Variants in NFATC2 observed in about 807,000 individuals in gnomAD.
NFATC2 encodes nuclear factor of activated T cells 2, also known as nuclear factor of activated T-cells, cytoplasmic 2.
A neutral mutation model predicts 87.3 loss-of-function variants in NFATC2; 22 were observed. That is an observed-to-expected ratio of 0.25 (90% CI 0.18 to 0.36). The LOEUF is 0.36. Ranked by LOEUF, NFATC2 falls within the 10% of genes least tolerant of loss-of-function variation. The pLI is 1.00. For missense variants in NFATC2, 1,149 were observed against 1,259.1 expected (o/e 0.91, Z 1.32); for synonymous variants, 565 against 542.2 (o/e 1.04, Z -0.58).
At chr20:51,544,164 T>C (rs2076868616), upstream of NFATC2, among the ~76,000 whole-genome samples, 2 of 151,732 alleles carry the variant, frequency 1.3e-5, no homozygotes, top group Non-Finnish European at 2.9e-5. Flanking sequence ...CTTTTTTGTA[T>C]TTTTAGTAGA....
At chr20:51,539,793 C>T (rs1568746013) in intron 1 of NFATC2, among the ~76,000 whole-genome samples, 1 of 152,204 alleles carries the variant, frequency 6.6e-6, no homozygotes, top group Non-Finnish European at 1.5e-5. Context: ...GCCACCACTC[C>T]CGGCCACAGC....
chr20:51,556,215 C>T (rs1198613739), intron 1 of NFATC2, among the ~76,000 whole-genome samples: 2 of 152,076 alleles, frequency 1.3e-5, no homozygotes, highest in Non-Finnish European at 2.9e-5. Context: ...AGAGCATGGC[C>T]CTGTGACACC....
intron 6 of NFATC2, among the ~76,000 whole-genome samples, chr20:51,449,895 C>T (rs75876048): frequency 6.6e-6 from 1 of 151,424 alleles, no homozygotes; most frequent in African/African-American, 2.4e-5. Context: ...TATTAATGAA[C>T]TACTAATTAC....
At chr20:51,559,843 T>A (rs528004135) in intron 1 of NFATC2, among the ~76,000 whole-genome samples, 43 of 152,336 alleles carry the variant, frequency 2.8e-4, no homozygotes, top group Middle Eastern at 3.4e-3. Context: ...TTACTGCATG[T>A]TAAGCACAGA....
At chr20:51,440,272 A>T (rs555125406) in intron 6 of NFATC2, among the ~76,000 whole-genome samples, 3 of 150,374 alleles carry the variant, frequency 2.0e-5, no homozygotes, top group African/African-American at 7.4e-5. Flanking sequence ...TCAACAGAAG[A>T]TACCTGTTAC....
intron 3 of NFATC2, among the ~76,000 whole-genome samples, chr20:51,492,010 G>T (rs1283419002): frequency 3.3e-5 from 5 of 150,850 alleles, no homozygotes; most frequent in African/African-American, 9.8e-5. Flanking sequence ...CGCGCCCCCG[G>T]AGTGCCATGA....
chr20:51,501,132 T>C (rs568767141), intron 3 of NFATC2, among the ~76,000 whole-genome samples: 2 of 151,950 alleles, frequency 1.3e-5, no homozygotes, highest in Non-Finnish European at 2.9e-5. Flanking sequence ...ACTGCTGGCT[T>C]GTCTGGCACT....
intron 5 of NFATC2, among the ~76,000 whole-genome samples, chr20:51,472,341 C>T (rs775213884): frequency 6.6e-5 from 10 of 152,160 alleles, no homozygotes; most frequent in Non-Finnish European, 1.3e-4. Context: ...TGAGTAGCAG[C>T]AGCGCATTTA....
At position 51,428,212 on chromosome 20, in the gene NFATC2, G is replaced by A. The variant is rs202090481; in HGVS notation, c.2722+3855C>T. On this transcript the variant is annotated intron_variant, in intron 9 of 10. Coordinates refer to ENST00000371564, the MANE Select transcript of NFATC2 (RefSeq NM_012340.5). ...AAGCAGCTACTGCTAGGAGCTGCTG[G>A]TGTTCCCCAGGTACAATTTGGGGCC... 1.3e-4 allele frequency among the ~76,000 whole-genome samples: 20 copies of A among 152,276 alleles called. No individual in the cohort carries two copies. The East Asian group carries it at 3.7e-3, about 28-fold the overall frequency.
At chr20:51,408,779 G>C (rs1201015331) in intron 9 of NFATC2, among the ~76,000 whole-genome samples, 2 of 152,192 alleles carry the variant, frequency 1.3e-5, no homozygotes, top group African/African-American at 4.8e-5. Context: ...TCAAGGTAGA[G>C]AAAGATTTTC....
At chr20:51,428,779 C>T (rs1188786895) in intron 9 of NFATC2, among the ~76,000 whole-genome samples, 1 of 152,146 alleles carries the variant, frequency 6.6e-6, no homozygotes, top group Non-Finnish European at 1.5e-5. Context: ...TTCCCTCAAC[C>T]CTCAAAACGC....
At chr20:51,442,580 G>A (rs1188402977) in intron 6 of NFATC2, among the ~76,000 whole-genome samples, 4 of 152,194 alleles carry the variant, frequency 2.6e-5, no homozygotes, top group Non-Finnish European at 5.9e-5. Flanking sequence ...TCATATGGTT[G>A]TACCTCCAGG....
chr20:51,544,285 C>T (rs2076870790), upstream of NFATC2, among the ~76,000 whole-genome samples: 1 of 152,028 alleles, frequency 6.6e-6, no homozygotes, highest in Admixed American at 6.6e-5. Context: ...CCACGCCCGG[C>T]CTGAAAATTT....
Position 51,523,018 on chromosome 20 carries a change from T to C in NFATC2, c.1160+63A>G. ...AACCTGACTCTGAATCCCATGCTCA[T>C]AACCAGAAAACCATCTCTTAAAACT... On this transcript the variant is annotated intron_variant, in intron 2 of 10. Transcript: ENST00000371564. The surrounding 1 kb of genome is among the most constrained non-coding windows in gnomAD (Gnocchi z 6.9). The C allele has an allele frequency of 1.2e-6, 2 of 1,600,446 alleles. No homozygotes were observed. Among genetic ancestry groups the C allele is most frequent in the South Asian group, 1.1e-5 (1 of 90,084 alleles).
Position 51,523,476 on chromosome 20 carries a change from C to T in NFATC2, c.765G>A (p.Ser255=), listed in dbSNP as rs2146721772. The change falls in exon 2 of 11, where the codon TCG becomes TCA. Residue 255 remains serine (S), a synonymous_variant. Transcript: ENST00000371564. This position sits in a 1 kb window ranked among gnomAD's most constrained non-coding sequence, Gnocchi z 6.9. ...SSSPGAKRRH[S]CAEALVALPP... is the part of the protein sequence containing the mutation. ...GCAGGGCAACCAAGGCCTCGGCGCA[C>T]GAATGCCTCCGCTTGGCACCAGGCG... 6.2e-7 allele frequency: 1 copy of T among 1,611,178 alleles called. No homozygotes were observed. The highest frequency in any genetic ancestry group is 8.5e-7 in the Non-Finnish European group (1 of 1,178,670).
At chr20:51,472,151 G>A (rs533422994) in intron 5 of NFATC2, among the ~76,000 whole-genome samples, 2 of 152,268 alleles carry the variant, frequency 1.3e-5, no homozygotes, top group Non-Finnish European at 2.9e-5. Flanking sequence ...GTTACTTGGA[G>A]GGCTGAGGCA....
chr20:51,473,984 C>G lies in NFATC2; in HGVS notation c.1704G>C (p.Glu568Asp). 1 of 1,613,574 alleles carries G rather than the reference C, an allele frequency of 6.2e-7. No homozygotes were observed. Among genetic ancestry groups the G allele is most frequent in the Non-Finnish European group, 8.5e-7 (1 of 1,179,564 alleles). The change falls in exon 5 of 11, where the codon GAG becomes GAC. Residue 568 changes from glutamate to aspartate, a missense_variant. Around this residue, in one of 3 missense-constraint regions of NFATC2, gnomAD observed 581 missense variants for 649.7 expected, o/e 0.89. Transcript: ENST00000371564. ...GGGCCCCAGGGCCCAACTTACAGCA[C>G]TCGATGGGGTTAGATGCAGTCTGTA... Reference protein sequence around the residue: ...VSLQTASNPIECSQRSAHELP... With the variant: ...VSLQTASNPIDCSQRSAHELP...
chr20:51,555,231 T>C (rs904973203), intron 1 of NFATC2, among the ~76,000 whole-genome samples: 5 of 152,146 alleles, frequency 3.3e-5, no homozygotes, highest in East Asian at 3.9e-4. Flanking sequence ...TTAGACCACA[T>C]ACCACTGCTG....
chr20:51,453,612 A>G (rs979750424), intron 6 of NFATC2, among the ~76,000 whole-genome samples: 3 of 152,262 alleles, frequency 2.0e-5, no homozygotes, highest in Non-Finnish European at 4.4e-5. Context: ...TCAGATCAGC[A>G]TCTTTTCTAC....
Sources: gnomAD v4.1 joint callset for allele counts (sites outside exome capture counted in the v4.1 genomes callset) on GRCh38, gnomAD v4.1.1 for gene constraint, gnomAD v4.1.1 regional missense constraint, Gnocchi (gnomAD v3.1) non-coding constraint, MANE v1.5 for transcripts, NCBI Gene and HGNC (gene_info 2026-07-23, HGNC 2026-07-21) for gene names.